Variants in AK3 observed in about 807,000 individuals in gnomAD.
The protein encoded by AK3 is adenylate kinase 3.
In AK3, 27 loss-of-function variants were observed where a neutral mutation model predicts 23.7. That is an observed-to-expected ratio of 1.14 (90% CI 0.84 to 1.57). The LOEUF is 1.57. Ranked by LOEUF, AK3 falls within the 40% of genes most tolerant of loss-of-function variation. The pLI is 0.00. For missense variants in AK3, 406 were observed against 285.6 expected, an observed-to-expected ratio of 1.42 and a Z score of -3.04; for synonymous variants, 159 against 116.0, an observed-to-expected ratio of 1.37 and a Z score of -2.38.
In AK3 at chr9:4,710,882, T is replaced by A. The variant is rs1841543988; in HGVS notation, c.*2094A>T. The A allele has an allele frequency of 1.3e-5, 2 of 152,206 alleles. No homozygotes were observed. Among genetic ancestry groups the A allele is most frequent in the South Asian group, 4.1e-4 (2 of 4,824 alleles). The allele number at this position is 152,206 out of a possible 1,614,324, so 9.4% of individuals were successfully genotyped here. The stretch of plus-strand genomic sequence containing the variant: ...CCAATTATGCCACTGCACTCTAGTC[T>A]GGGCAACAGAGTGAGGCCCTGTCTA... On this transcript the variant is annotated 3_prime_UTR_variant, in exon 5 of 5. Transcript: ENST00000381809.
chr9:4,725,715 GA>G (rs1842009214), intron 1 of AK3, among the ~76,000 whole-genome samples: 1 of 152,180 alleles, frequency 6.6e-6, no homozygotes, highest in Non-Finnish European at 1.5e-5. Context: ...AATATCTAAA[GA>G]ACTCTTACAA....
At chr9:4,733,008 C>A (rs1410606743) in intron 1 of AK3, among the ~76,000 whole-genome samples, 1 of 151,944 alleles carries the variant, frequency 6.6e-6, no homozygotes, top group Non-Finnish European at 1.5e-5. Context: ...TCATGCCTGG[C>A]TAATTTTTTT....
chr9:4,724,472 C>T (rs1309959035), intron 1 of AK3, among the ~76,000 whole-genome samples: 1 of 152,154 alleles, frequency 6.6e-6, no homozygotes, highest in African/African-American at 2.4e-5. Flanking sequence ...GCCCTTGCCA[C>T]TTCTATACAA....
intron 1 of AK3, among the ~76,000 whole-genome samples, chr9:4,730,622 C>T (rs564261101): frequency 3.9e-5 from 6 of 151,988 alleles, no homozygotes; most frequent in South Asian, 2.1e-4. Context: ...AAAAACAAAA[C>T]GAAAACCAGG....
rs1563781308 is a variant in AK3, at chr9:4,714,173, C to CACCTACACAT, written c.564-1078_564-1077insATGTGTAGGT. Among the ~76,000 whole-genome samples the CACCTACACAT allele has an allele frequency of 1.0e-3, 30 of 29,452 alleles. 3 individuals carry two copies. The highest frequency in any genetic ancestry group is 2.4e-3 in the African/African-American group (29 of 12,156). The allele number at this position is 29,452 out of a possible 152,430, so 19.3% of individuals were successfully genotyped here. Reference sequence around the variant, plus strand: ...ACCTCCACATACACACACCTCCACACATACGCCTCCACATACACACACCTC... The same window carrying CACCTACACAT: ...ACCTCCACATACACACACCTCCACACACCTACACATATACGCCTCCACATACACACACCTC... On this transcript the variant is annotated intron_variant, in intron 4 of 4. Transcript: ENST00000381809.
At chr9:4,721,435 A>C (rs116180568) in intron 2 of AK3, among the ~76,000 whole-genome samples, 17,342 of 148,362 alleles carry the variant, frequency 0.12, 1,538 homozygotes, top group African/African-American at 0.24. Context: ...CCTACTCCTC[A>C]ACTACATTAC....
chr9:4,718,716 G>A (rs548600701), intron 3 of AK3, among the ~76,000 whole-genome samples, 179 bp from the exon 4 acceptor site: 1 of 152,274 alleles, frequency 6.6e-6, no homozygotes, highest in South Asian at 2.1e-4. Context: ...AACAGGGTAC[G>A]CCAGTTTCAT....
rs779235021 is a variant in AK3, at chr9:4,713,116, AAAAC to A, written c.564-24_564-21del. On this transcript the variant is annotated intron_variant, in intron 4 of 4. Transcript: ENST00000381809. ...TTTTTCCTAAAGATGAAACAAAAAC[AAAAC>A]AAACACACACAGGTCTGAGTCTTCC... 4 of 1,612,470 alleles carry A rather than the reference AAAAC, an allele frequency of 2.5e-6. No individual in the cohort carries two copies. The highest frequency in any genetic ancestry group is 1.1e-5 in the South Asian group (1 of 90,962).
chr9:4,716,655 G>A (rs890562550), intron 4 of AK3, among the ~76,000 whole-genome samples: 6 of 152,184 alleles, frequency 3.9e-5, no homozygotes, highest in African/African-American at 1.4e-4. Context: ...GAAAGGCCAG[G>A]CATGGTGGCT....
In AK3 at chr9:4,719,129, A is replaced by C; in HGVS notation, c.444+6T>G. The C allele has an allele frequency of 6.2e-7, 1 of 1,611,628 alleles. No homozygotes were observed. Among genetic ancestry groups the C allele is most frequent in the Non-Finnish European group, 8.5e-7 (1 of 1,179,766 alleles). ...GCTATGTGACAGTTCCACAACAACT[A>C]CTCACCACAGTTTTGGGAGGGTTGA... On this transcript the variant is annotated splice_donor_region_variant and intron_variant, in intron 3 of 4. Transcript: ENST00000381809.
At chr9:4,720,115 A>C (rs2130882251) in intron 2 of AK3, among the ~76,000 whole-genome samples, 1 of 152,270 alleles carries the variant, frequency 6.6e-6, no homozygotes, top group Middle Eastern at 3.4e-3. Flanking sequence ...GACAAAATGA[A>C]ACTAAAGTCC....
At chr9:4,713,283 C>G (rs971361237) in intron 4 of AK3, among the ~76,000 whole-genome samples, 187 bp from the exon 5 acceptor site, 1 of 152,134 alleles carries the variant, frequency 6.6e-6, no homozygotes, top group African/African-American at 2.4e-5. Flanking sequence ...TTCAGTTGTG[C>G]TCTCTGGCTT....
At chr9:4,732,872 T>C (rs1475172528) in intron 1 of AK3, among the ~76,000 whole-genome samples, 96 of 30,072 alleles carry the variant, frequency 3.2e-3, no homozygotes, top group Non-Finnish European at 8.6e-3. Flanking sequence ...CTCTCTCTCT[T>C]TTTTTTTTTT....
intron 1 of AK3, among the ~76,000 whole-genome samples, chr9:4,732,939 G>A (rs1842188633): frequency 6.6e-6 from 1 of 151,254 alleles, no homozygotes; most frequent in African/African-American, 2.4e-5. Flanking sequence ...TCAAACCCCT[G>A]GGCTCAAGCA....
intron 4 of AK3, among the ~76,000 whole-genome samples, chr9:4,714,039 T>TATACGC (rs1563781059): frequency 5.4e-4 from 2 of 3,730 alleles, no homozygotes; most frequent in African/African-American, 6.5e-4. Context: ...CACATATACA[T>TATACGC]CTACACATAT....
chr9:4,728,747 G>C (rs991701697), intron 1 of AK3, among the ~76,000 whole-genome samples: 6 of 150,552 alleles, frequency 4.0e-5, no homozygotes, highest in African/African-American at 1.5e-4. Flanking sequence ...TGCAATCCCA[G>C]CACTTTGGGA....
Position 4,710,184 on chromosome 9 carries a change from A to C in AK3, c.*2792T>G, listed in dbSNP as rs1262841277. 2 of 152,118 alleles carry C rather than the reference A, an allele frequency of 1.3e-5. No homozygotes were observed. The highest frequency in any genetic ancestry group is 6.6e-5 in the Admixed American group (1 of 15,266). 9.4% of individuals were successfully genotyped at this position (152,118 alleles called of 1,614,324 possible). A position where few individuals can be genotyped will look rare whatever the true frequency, so the allele number is the denominator to read the frequency against. On this transcript the variant is annotated 3_prime_UTR_variant, in exon 5 of 5. Transcript: ENST00000381809. ...TAGCAAAATAACTTTTACTCTATAA[A>C]ATAAATCAGTTGAGGTGCTGTTCTC... is the stretch of plus-strand genomic sequence containing the variant.
At chr9:4,731,802 C>T (rs1289848156) in intron 1 of AK3, among the ~76,000 whole-genome samples, 2 of 152,102 alleles carry the variant, frequency 1.3e-5, no homozygotes, top group Non-Finnish European at 2.9e-5. Flanking sequence ...GGATTTGAAC[C>T]GCATGGGTCT....
chr9:4,735,314 T>TATATATACACATATATAA lies in AK3; in HGVS notation c.151+5622_151+5623insTTATATATGTGTATATAT. Among the ~76,000 whole-genome samples, 22 of 13,712 alleles carry TATATATACACATATATAA rather than the reference T, an allele frequency of 1.6e-3. 7 individuals are homozygous for TATATATACACATATATAA. Among genetic ancestry groups the TATATATACACATATATAA allele is most frequent in the African/African-American group, 5.0e-3 (22 of 4,418 alleles). The allele number at this position is 13,712 out of a possible 152,430, so 9.0% of individuals were successfully genotyped here. A position where few individuals can be genotyped will look rare whatever the true frequency, so the allele number is the denominator to read the frequency against. On this transcript the variant is annotated intron_variant, in intron 1 of 4. Coordinates refer to ENST00000381809, the MANE Select transcript of AK3 (RefSeq NM_016282.4). ...ATAAATATATATATACATATATAAA[T>TATATATACACATATATAA]ATATATATACATATATAAATATATA...
Sources: allele counts gnomAD v4.1 joint callset (sites outside exome capture counted in the v4.1 genomes callset), GRCh38; gene constraint gnomAD v4.1.1; transcripts MANE v1.5; gene names NCBI Gene and HGNC (gene_info 2026-07-23, HGNC 2026-07-21).